The following POU2F3 variants were observed in gnomAD, a reference collection of about 807,000 sequenced individuals.
POU2F3 encodes POU domain, class 2, transcription factor 3.
A neutral mutation model predicts 59.2 loss-of-function variants in POU2F3; 23 were observed. The observed-to-expected ratio is 0.39, with a 90% CI of 0.28 to 0.55. The LOEUF is 0.55. Ranked by LOEUF, POU2F3 falls within the 20% of genes least tolerant of loss-of-function variation. The probability of loss-of-function intolerance (pLI) is 0.66; values close to 1 mark genes in which losing one functional copy is unlikely to be tolerated. For synonymous variants in POU2F3, 190 were observed against 214.6 expected (o/e 0.89, Z 1.00); for missense variants, 473 against 544.5 (o/e 0.87, Z 1.31).
chr11:120,302,487 G>A, intron 6 of POU2F3, 119 bp downstream of exon 6: 2 of 904,892 alleles, frequency 2.2e-6, no homozygotes, highest in Non-Finnish European at 3.4e-6. Context: ...AGAGGGGATA[G>A]CAGGGAACTA....
chr11:120,312,911 G>A (rs1348582324), intron 10 of POU2F3, among the ~76,000 whole-genome samples: 2 of 152,132 alleles, frequency 1.3e-5, no homozygotes, highest in African/African-American at 4.8e-5. Context: ...GTGCAGAGAG[G>A]TGTGAGGGCA....
At chr11:120,305,934 A>G in intron 8 of POU2F3, 149 bp downstream of exon 8, 1 of 1,007,186 alleles carries the variant, frequency 9.9e-7, no homozygotes, top group Non-Finnish European at 1.4e-6. Context: ...AAGACACAGG[A>G]CACAGGCAAG....
chr11:120,241,653 G>T (rs1938667351), intron 1 of POU2F3, among the ~76,000 whole-genome samples: 1 of 152,192 alleles, frequency 6.6e-6, no homozygotes, highest in African/African-American at 2.4e-5. Context: ...CCCCTTCACT[G>T]CCCGCAGAGA....
chr11:120,266,164 C>T (rs994323570), intron 2 of POU2F3, among the ~76,000 whole-genome samples: 4 of 152,156 alleles, frequency 2.6e-5, no homozygotes, highest in Non-Finnish European at 5.9e-5. Context: ...GTCACCCCAT[C>T]GTAGTGAGTG....
At chr11:120,259,550 C>G (rs1471499337) in intron 2 of POU2F3, among the ~76,000 whole-genome samples, 1 of 152,210 alleles carries the variant, frequency 6.6e-6, no homozygotes, top group East Asian at 1.9e-4. Context: ...CTCCCAACTC[C>G]TAAACCAGTG....
chr11:120,317,417 G>T, intron 12 of POU2F3, 53 bp downstream of exon 12: 1 of 1,602,554 alleles, frequency 6.2e-7, no homozygotes, highest in African/African-American at 1.3e-5. Context: ...AGGGACATGT[G>T]AGAAGCTGAG....
intron 2 of POU2F3, among the ~76,000 whole-genome samples, chr11:120,252,083 C>T (rs963106769): frequency 1.3e-5 from 2 of 151,940 alleles, no homozygotes; most frequent in African/African-American, 4.8e-5. Context: ...CGTGAGCCAC[C>T]GCGCCTGGCC....
intron 10 of POU2F3, among the ~76,000 whole-genome samples, 162 bp downstream of exon 10, chr11:120,309,748 A>T (rs1021755995): frequency 6.6e-6 from 1 of 152,154 alleles, no homozygotes. Flanking sequence ...ATAGAAGGGG[A>T]TAGCGGGGAG....
chr11:120,295,652 G>A (rs74764377), intron 3 of POU2F3, among the ~76,000 whole-genome samples: 147 of 152,304 alleles, frequency 9.7e-4, no homozygotes, highest in South Asian at 3.7e-3. Flanking sequence ...TAAGGATATG[G>A]AAACTCTAAT....
upstream of POU2F3, among the ~76,000 whole-genome samples, chr11:120,238,827 T>TAAAAA (rs56948018): frequency 1.6e-3 from 76 of 48,362 alleles, 2 homozygotes; most frequent in African/African-American, 5.9e-3. Context: ...AGACTCTGTC[T>TAAAAA]AAAAAAAAAA....
intron 2 of POU2F3, among the ~76,000 whole-genome samples, chr11:120,265,606 G>T (rs942574657): frequency 1.3e-5 from 2 of 152,242 alleles, no homozygotes; most frequent in Non-Finnish European, 2.9e-5. Context: ...ATGGTTGATT[G>T]TGTTGGTCAT....
chr11:120,282,957 C>T (rs754804340), intron 3 of POU2F3, among the ~76,000 whole-genome samples: 4 of 152,130 alleles, frequency 2.6e-5, no homozygotes, highest in Middle Eastern at 3.2e-3. Context: ...GATTTGGATA[C>T]CCAGTCACTG....
chr11:120,314,704 G>A (rs1359314092), intron 10 of POU2F3, among the ~76,000 whole-genome samples: 6 of 152,166 alleles, frequency 3.9e-5, no homozygotes, highest in Non-Finnish European at 7.3e-5. Context: ...ATTGTTCTAG[G>A]ATAGTAACAG....
chr11:120,303,164 G>A lies in POU2F3; in HGVS notation c.444+796G>A, dbSNP rs1023287876. ...GCTCACCAAGAGCCCGGCCTTCAGA[G>A]AGGGCTGAGGCCACTAAAAGTACCT... On this transcript the variant is annotated intron_variant, in intron 6 of 12. Transcript: ENST00000543440. 2.0e-5 allele frequency: 3 copies of A among 152,334 alleles called. 1 individual carries two copies. Among genetic ancestry groups the A allele is most frequent in the Middle Eastern group, 6.8e-3 (2 of 294 alleles). 9.4% of individuals were successfully genotyped at this position (152,334 alleles called of 1,614,324 possible).
chr11:120,299,030 C>T (rs1941270131), intron 4 of POU2F3, among the ~76,000 whole-genome samples: 1 of 152,178 alleles, frequency 6.6e-6, no homozygotes, highest in Admixed American at 6.5e-5. Context: ...TTGCAGAGGA[C>T]TCCCCGATCC....
chr11:120,293,713 A>T (rs1167212038), intron 3 of POU2F3, among the ~76,000 whole-genome samples: 1 of 152,110 alleles, frequency 6.6e-6, no homozygotes, highest in Non-Finnish European at 1.5e-5. Context: ...GCCCTGTGAA[A>T]ATGTCATGGG....
chr11:120,266,167 A>C (rs1473410698), intron 2 of POU2F3, among the ~76,000 whole-genome samples: 2 of 152,134 alleles, frequency 1.3e-5, no homozygotes, highest in Non-Finnish European at 2.9e-5. Context: ...ACCCCATCGT[A>C]GTGAGTGGCA....
At chr11:120,236,801 T>TC (rs1361805510), upstream of POU2F3, 15 of 1,261,298 alleles carry the variant, frequency 1.2e-5, no homozygotes, top group Non-Finnish European at 1.3e-5. Flanking sequence ...TGCTCACCAT[T>TC]CCCCCTCAAC....
intron 8 of POU2F3, 101 bp from the exon 9 acceptor site, chr11:120,307,378 T>G (rs1941524316): frequency 1.4e-6 from 2 of 1,397,466 alleles, no homozygotes; most frequent in African/African-American, 1.4e-5. Context: ...AAAATGCCAC[T>G]GCAGAGCCCA....
Sources: gnomAD v4.1 joint callset for allele counts (sites outside exome capture counted in the v4.1 genomes callset) on GRCh38, gnomAD v4.1.1 for gene constraint, MANE v1.5 for transcripts, NCBI Gene and HGNC (gene_info 2026-07-23, HGNC 2026-07-21) for gene names.